Variants in FAM47E observed in about 807,000 individuals in gnomAD.
FAM47E encodes the protein family with sequence similarity 47 member E, also known as protein FAM47E.
A neutral mutation model predicts 41.6 loss-of-function variants in FAM47E; 32 were observed. That is an observed-to-expected ratio of 0.77 (90% CI 0.58 to 1.03). FAM47E has a LOEUF of 1.03. Among genes scored for constraint, FAM47E ranks in the 50% least tolerant of loss-of-function variants. The pLI is 0.00. For synonymous variants in FAM47E, 184 were observed against 188.7 expected (o/e 0.98, Z 0.20); for missense variants, 424 against 485.4 (o/e 0.87, Z 1.19).
chr4:76,215,721 C>T (rs1396908576), intron 1 of FAM47E, among the ~76,000 whole-genome samples: 3 of 152,052 alleles, frequency 2.0e-5, no homozygotes, highest in African/African-American at 4.8e-5. Flanking sequence ...TTCAGCTACC[C>T]GGAGACTGCT....
chr4:76,265,768 G>A (rs1013059750), intron 3 of FAM47E, among the ~76,000 whole-genome samples: 2 of 152,108 alleles, frequency 1.3e-5, no homozygotes, highest in African/African-American at 2.4e-5. Context: ...CTCTCAGAGG[G>A]GAAAGAGAGG....
At chr4:76,253,698 A>T (rs533314545) in intron 1 of FAM47E, among the ~76,000 whole-genome samples, 2 of 152,070 alleles carry the variant, frequency 1.3e-5, no homozygotes, top group South Asian at 4.2e-4. Context: ...CAGCTACTCA[A>T]GAGGCTGAGG....
At chr4:76,240,825 A>G (rs1733695191) in intron 2 of FAM47E, among the ~76,000 whole-genome samples, 1 of 151,962 alleles carries the variant, frequency 6.6e-6, no homozygotes, top group Non-Finnish European at 1.5e-5. Flanking sequence ...CATTTTCCAC[A>G]TCTTCCTTTA....
intron 2 of FAM47E, among the ~76,000 whole-genome samples, chr4:76,244,533 CTTTTTTTTT>C (rs71212407): frequency 5.6e-4 from 37 of 66,054 alleles, no homozygotes; most frequent in African/African-American, 2.2e-3. Context: ...AGGCATTCTT[CTTTTTTTTT>C]TTTTTTTTTT....
rs1734899404 is a variant in FAM47E, at chr4:76,271,721, G to A, written c.823G>A (p.Glu275Lys). The A allele has an allele frequency of 6.4e-7, 1 of 1,551,620 alleles. No homozygotes were observed. ...GGGGCTCAGTAAACTGCAGGAGACA[G>A]AGTTCTTCCAGAAACTAGGCTATGA... is the stretch of plus-strand genomic sequence containing the variant. ...SVGLSKLQET[E>K]FFQKLGYERK... Residue 275 changes from glutamate to lysine, a missense_variant, in exon 5 of 8, where the codon GAG becomes AAG. Transcript: ENST00000424749.
intron 2 of FAM47E, among the ~76,000 whole-genome samples, chr4:76,238,138 A>C (rs1733626406): frequency 6.6e-6 from 1 of 152,168 alleles, no homozygotes; most frequent in Non-Finnish European, 1.5e-5. Context: ...TCTAATGGGG[A>C]GCCATGATCC....
chr4:76,278,055 G>T lies in FAM47E; in HGVS notation c.871-14G>T. 1 of 1,473,804 alleles carries T rather than the reference G, an allele frequency of 6.8e-7. No homozygotes were observed. The allele number at this position is 1,473,804 out of a possible 1,614,324, so 91.3% of individuals were successfully genotyped here. A position where few individuals can be genotyped will look rare whatever the true frequency, so the allele number is the denominator to read the frequency against. ...AAAAATCAATGGCACTGGGAATTAT[G>T]TTACTTTCCACAGAATCCTTATAAG... On this transcript the variant is annotated splice_polypyrimidine_tract_variant and intron_variant, in intron 5 of 7. Transcript: ENST00000424749.
intron 1 of FAM47E, among the ~76,000 whole-genome samples, chr4:76,214,774 G>A (rs1328734050): frequency 6.6e-6 from 1 of 152,144 alleles, no homozygotes; most frequent in East Asian, 1.9e-4. Flanking sequence ...AATACCCTTG[G>A]CAGTCCTATG....
chr4:76,234,267 G>A (rs1560731711), intron 2 of FAM47E: 1 of 152,412 alleles, frequency 6.6e-6, no homozygotes, highest in Admixed American at 6.5e-5. Flanking sequence ...AAAGGCTTAG[G>A]AGCAACAGTG....
chr4:76,215,920 G>A (rs1733198317), intron 1 of FAM47E, among the ~76,000 whole-genome samples: 1 of 152,216 alleles, frequency 6.6e-6, no homozygotes, highest in South Asian at 2.1e-4. Flanking sequence ...AAGCCACTGA[G>A]TGTTGGTGTG....
chr4:76,224,954 A>G (rs1318698766), intron 2 of FAM47E, among the ~76,000 whole-genome samples: 2 of 152,036 alleles, frequency 1.3e-5, no homozygotes, highest in African/African-American at 4.8e-5. Flanking sequence ...TCTTATAGGC[A>G]TAAGAATGAT....
At chr4:76,280,467 C>T (rs865902480) in intron 7 of FAM47E, 126 bp downstream of exon 7, 1 of 522,888 alleles carries the variant, frequency 1.9e-6, no homozygotes, top group South Asian at 3.3e-5. Context: ...AAGACAGGCC[C>T]CTGGAAGAAA....
At chr4:76,224,034 A>C (rs576937780) in intron 2 of FAM47E, among the ~76,000 whole-genome samples, 1 of 152,360 alleles carries the variant, frequency 6.6e-6, no homozygotes, top group East Asian at 1.9e-4. Flanking sequence ...CCTCCCCACA[A>C]ACACAGAAGG....
At chr4:76,260,898 G>A (rs1382472884) in intron 2 of FAM47E, among the ~76,000 whole-genome samples, 4 of 151,836 alleles carry the variant, frequency 2.6e-5, no homozygotes, top group African/African-American at 4.8e-5. Flanking sequence ...AGTAGGCAAA[G>A]CCATGAAGTC....
chr4:76,232,131 C>G (rs964509978), intron 2 of FAM47E, among the ~76,000 whole-genome samples: 2 of 152,194 alleles, frequency 1.3e-5, no homozygotes, highest in African/African-American at 2.4e-5. Flanking sequence ...CAGAAGTATA[C>G]CTTGCTTAAT....
intron 2 of FAM47E, among the ~76,000 whole-genome samples, chr4:76,241,497 G>A (rs1733710372): frequency 6.6e-6 from 1 of 152,004 alleles, no homozygotes; most frequent in African/African-American, 2.4e-5. Flanking sequence ...CAAGTTGTGT[G>A]CAAACTGGTC....
At chr4:76,254,556 T>C (rs1398240668) in intron 1 of FAM47E, among the ~76,000 whole-genome samples, 3 of 152,148 alleles carry the variant, frequency 2.0e-5, no homozygotes, top group Non-Finnish European at 4.4e-5. Flanking sequence ...GGTTAAGCCC[T>C]TAAAACAACA....
chr4:76,240,296 T>C (rs1320943504), intron 2 of FAM47E, among the ~76,000 whole-genome samples: 2 of 152,246 alleles, frequency 1.3e-5, no homozygotes, highest in Non-Finnish European at 2.9e-5. Flanking sequence ...TTATATGTGA[T>C]GATCACTTCT....
chr4:76,230,649 G>A (rs540259445), intron 2 of FAM47E, among the ~76,000 whole-genome samples: 1 of 152,258 alleles, frequency 6.6e-6, no homozygotes, highest in East Asian at 1.9e-4. Flanking sequence ...GTATGTGAGA[G>A]AGAGAGGAAA....
Sources: allele counts gnomAD v4.1 joint callset (sites outside exome capture counted in the v4.1 genomes callset), GRCh38; gene constraint gnomAD v4.1.1; transcripts MANE v1.5; gene names NCBI Gene and HGNC (gene_info 2026-07-23, HGNC 2026-07-21).